The following ZNF616 variants were observed in gnomAD, a reference collection of about 807,000 sequenced individuals.
ZNF616 encodes the protein zinc finger protein 616.
ZNF616 carries 5 observed loss-of-function variants against 7.6 expected under a neutral mutation model. The ratio of observed to expected loss-of-function variants is 0.66; its 90% CI spans 0.34 to 1.38. ZNF616 has a LOEUF of 1.38. Among genes scored for constraint, ZNF616 ranks in the 40% most tolerant of loss-of-function variants. ZNF616 has a pLI of 0.04. For missense variants in ZNF616, 913 were observed against 948.3 expected (o/e 0.96, Z 0.49); for synonymous variants, 319 against 317.2 (o/e 1.01, Z -0.06).
rs1475122570 is a variant in ZNF616, at chr19:52,115,882, G to C, written c.1282C>G (p.Gln428Glu). 6.2e-7 allele frequency: 1 copy of C among 1,614,062 alleles called. No individual in the cohort carries two copies. The highest frequency in any genetic ancestry group is 1.3e-5 in the African/African-American group (1 of 74,994). Residue 428 changes from glutamine to glutamate, a missense_variant, in exon 4 of 4, where the codon CAG becomes GAG. Physicochemically the swap from Gln to Glu is conservative, Grantham distance 29. Transcript: ENST00000600228. ...GTTTTCTGTCCAGTATGAATTCTCT[G>C]ATGCACTGCAAGACTTGAACGTTTA... The part of the protein sequence containing the change: ...FSKRSSLAVH[Q>E]RIHTGQKTYK...
intron 1 of ZNF616, among the ~76,000 whole-genome samples, chr19:52,133,395 G>C (rs1244214711): frequency 6.6e-6 from 1 of 152,062 alleles, no homozygotes; most frequent in African/African-American, 2.4e-5. Flanking sequence ...CTTTATAATA[G>C]GCCAATTTTT....
intron 2 of ZNF616, among the ~76,000 whole-genome samples, chr19:52,125,671 G>A (rs761336557): frequency 6.6e-6 from 1 of 152,120 alleles, no homozygotes; most frequent in African/African-American, 2.4e-5. Context: ...CTCAGGCGTG[G>A]TCCTGCTTCC....
intron 3 of ZNF616, among the ~76,000 whole-genome samples, chr19:52,118,415 A>G (rs951874957): frequency 2.6e-5 from 4 of 152,238 alleles, no homozygotes; most frequent in African/African-American, 9.6e-5. Flanking sequence ...TGATATAAAG[A>G]CTTAATGTCT....
At chr19:52,133,129 T>G (rs754181974) in intron 1 of ZNF616, among the ~76,000 whole-genome samples, 12 of 152,172 alleles carry the variant, frequency 7.9e-5, no homozygotes, top group Non-Finnish European at 1.6e-4. Context: ...CAAGTTTGAC[T>G]GGATGCATTC....
intron 2 of ZNF616, among the ~76,000 whole-genome samples, chr19:52,127,191 A>G (rs918197246): frequency 3.9e-5 from 6 of 152,082 alleles, no homozygotes; most frequent in African/African-American, 1.4e-4. Context: ...GGTAGCTAAG[A>G]TTAAAGACGT....
intron 3 of ZNF616, among the ~76,000 whole-genome samples, chr19:52,120,934 T>C (rs1399723704): frequency 6.6e-6 from 1 of 152,238 alleles, no homozygotes; most frequent in Non-Finnish European, 1.5e-5. Flanking sequence ...ACCTAAACTA[T>C]ACGTTAAATT....
chr19:52,118,874 C>T (rs1327939296), intron 3 of ZNF616, among the ~76,000 whole-genome samples: 2 of 152,140 alleles, frequency 1.3e-5, no homozygotes, highest in African/African-American at 2.4e-5. Flanking sequence ...AGTATGCCCA[C>T]GGGATTCATG....
At chr19:52,137,053 G>GTATATATATATATATATATATA (rs35226169) in intron 1 of ZNF616, among the ~76,000 whole-genome samples, 37 of 143,732 alleles carry the variant, frequency 2.6e-4, no homozygotes, top group African/African-American at 9.3e-4. Context: ...TTATGTATGT[G>GTATATATATATATATATATATA]TATATATATA....
At chr19:52,118,503 C>T (rs1056379296) in intron 3 of ZNF616, among the ~76,000 whole-genome samples, 19 of 152,252 alleles carry the variant, frequency 1.2e-4, no homozygotes, top group Admixed American at 2.0e-4. Context: ...GCAATTCGGT[C>T]CTCTGCCATG....
intron 3 of ZNF616, among the ~76,000 whole-genome samples, chr19:52,123,101 G>T (rs966339784): frequency 1.3e-5 from 2 of 152,026 alleles, no homozygotes; most frequent in Non-Finnish European, 2.9e-5. Flanking sequence ...TATATAAAAT[G>T]ATATACATTC....
chr19:52,116,224 G>C lies in ZNF616; in HGVS notation c.940C>G (p.Leu314Val). 1.2e-6 allele frequency: 2 copies of C among 1,614,058 alleles called. No homozygotes were observed. Among genetic ancestry groups the C allele is most frequent in the Non-Finnish European group, 1.7e-6 (2 of 1,179,998 alleles). ...KSFSQRVHLR[L>V]HQTVHTGERP... The stretch of plus-strand genomic sequence containing the variant: ...TCTCCAGTATGAACTGTCTGATGAA[G>C]TCTAAGATGGACACGCTGACTAAAG... Residue 314 changes from leucine (L) to valine (V), a missense_variant, in exon 4 of 4, where the codon CTT becomes GTT. Transcript: ENST00000600228.
At chr19:52,125,739 G>T (rs2088900624) in intron 2 of ZNF616, among the ~76,000 whole-genome samples, 1 of 152,176 alleles carries the variant, frequency 6.6e-6, no homozygotes. Flanking sequence ...TGCCTCCATG[G>T]CTAGGCTGAG....
intron 3 of ZNF616, among the ~76,000 whole-genome samples, chr19:52,120,502 C>T (rs575662138): frequency 1.3e-5 from 2 of 152,264 alleles, no homozygotes; most frequent in South Asian, 4.1e-4. Flanking sequence ...TTAAACTCCA[C>T]AATCAGAAGA....
intron 1 of ZNF616, among the ~76,000 whole-genome samples, chr19:52,135,997 G>T (rs1334412443): frequency 2.6e-5 from 4 of 151,642 alleles, no homozygotes; most frequent in Non-Finnish European, 5.9e-5. Flanking sequence ...GGGCATGGTG[G>T]GACATGCCTG....
intron 3 of ZNF616, 46 bp from the exon 4 acceptor site, chr19:52,117,070 T>C (rs1400709517): frequency 6.8e-7 from 1 of 1,474,756 alleles, no homozygotes; most frequent in Non-Finnish European, 9.1e-7. Context: ...CTACTACTAT[T>C]GATAAACAAA....
intron 2 of ZNF616, among the ~76,000 whole-genome samples, chr19:52,128,063 T>A (rs2088924689): frequency 6.6e-6 from 1 of 151,568 alleles, no homozygotes; most frequent in Non-Finnish European, 1.5e-5. Context: ...ACTGAAAGAG[T>A]GATTGCCTCT....
rs777165862 is a variant in ZNF616 at position 52,115,136 on chromosome 19, G to A, written c.2028C>T (p.Leu676=). The change falls in exon 4 of 4, where the codon CTC becomes CTT. Residue 676 remains leucine, a synonymous_variant. Coordinates refer to ENST00000600228, the MANE Select transcript of ZNF616 (RefSeq NM_178523.5). ...CGKTFKRSSN[L]TAHQIIHAGK... ...CTGCATGAATTATCTGATGTGCAGT[G>A]AGGTTTGAGCTCCGTTTAAAGGTTT... The A allele has an allele frequency of 3.7e-6, 6 of 1,613,870 alleles. No individual in the cohort carries two copies. Among genetic ancestry groups the A allele is most frequent in the Non-Finnish European group, 5.1e-6 (6 of 1,179,996 alleles).
chr19:52,117,958 C>T (rs1481926468), intron 3 of ZNF616, among the ~76,000 whole-genome samples: 3 of 149,774 alleles, frequency 2.0e-5, no homozygotes, highest in Non-Finnish European at 4.5e-5. Flanking sequence ...GTCATTTTTT[C>T]TTGAGACAGA....
intron 2 of ZNF616, among the ~76,000 whole-genome samples, chr19:52,128,625 C>G (rs1427375521): frequency 6.6e-6 from 1 of 151,710 alleles, no homozygotes; most frequent in Non-Finnish European, 1.5e-5. Flanking sequence ...GCCTGTGGTC[C>G]CAGCTACTCA....
Sources: allele counts gnomAD v4.1 joint callset (sites outside exome capture counted in the v4.1 genomes callset), GRCh38; gene constraint gnomAD v4.1.1; transcripts MANE v1.5; gene names NCBI Gene and HGNC (gene_info 2026-07-23, HGNC 2026-07-21).